Variants in GSG1L observed in about 807,000 individuals in gnomAD.
GSG1L encodes the protein GSG1 like, also known as germ cell-specific gene 1-like protein.
Under a neutral mutation model 42.1 loss-of-function variants are expected in GSG1L, and 24 were observed. That is an observed-to-expected ratio of 0.57 (90% CI 0.41 to 0.80). The LOEUF is 0.80. Among genes scored for constraint, GSG1L ranks in the 30% least tolerant of loss-of-function variants. The pLI, the probability that GSG1L is intolerant of heterozygous loss-of-function variation, is 0.00. For missense variants in GSG1L, 445 were observed against 472.2 expected (o/e 0.94, Z 0.53); for synonymous variants, 215 against 203.5 (o/e 1.06, Z -0.48).
At chr16:27,882,260 G>C (rs1026693677) in intron 3 of GSG1L, among the ~76,000 whole-genome samples, 1 of 152,126 alleles carries the variant, frequency 6.6e-6, no homozygotes, top group Non-Finnish European at 1.5e-5. Context: ...CACCATGATT[G>C]TGAGGCCTCC....
At chr16:27,926,829 C>A (rs1010276635) in intron 2 of GSG1L, among the ~76,000 whole-genome samples, 1 of 152,162 alleles carries the variant, frequency 6.6e-6, no homozygotes, top group African/African-American at 2.4e-5. Flanking sequence ...GGGCTGATGA[C>A]AATTAAGTGT....
At chr16:27,993,776 G>A (rs1186949036) in intron 1 of GSG1L, among the ~76,000 whole-genome samples, 2 of 152,206 alleles carry the variant, frequency 1.3e-5, no homozygotes, top group African/African-American at 4.8e-5. Flanking sequence ...CAGCCGCACA[G>A]ATAAGAAAGG....
chr16:27,967,917 A>AAATAT (rs930173940), intron 1 of GSG1L, among the ~76,000 whole-genome samples: 46 of 152,246 alleles, frequency 3.0e-4, no homozygotes, highest in East Asian at 1.9e-3. Context: ...CATCTCAAAA[A>AAATAT]AATATAATAT....
At chr16:28,002,264 G>A (rs1225447008) in intron 1 of GSG1L, among the ~76,000 whole-genome samples, 1 of 152,190 alleles carries the variant, frequency 6.6e-6, no homozygotes, top group African/African-American at 2.4e-5. Flanking sequence ...GCTGACCAGG[G>A]CCTTTTCTAC....
At chr16:28,047,439 A>C (rs577420893) in intron 1 of GSG1L, among the ~76,000 whole-genome samples, 184 of 152,300 alleles carry the variant, frequency 1.2e-3, no homozygotes, top group Middle Eastern at 3.4e-3. Context: ...AACAAAAAGA[A>C]AGAAGTGAAA....
chr16:27,955,205 A>G (rs1193382964), intron 2 of GSG1L, among the ~76,000 whole-genome samples: 1 of 152,200 alleles, frequency 6.6e-6, no homozygotes, highest in Admixed American at 6.5e-5. Context: ...AAAAAAATTA[A>G]TATCATTGGA....
intron 3 of GSG1L, among the ~76,000 whole-genome samples, chr16:27,865,649 A>G (rs1254300986): frequency 1.4e-5 from 2 of 143,558 alleles, no homozygotes; most frequent in Non-Finnish European, 3.0e-5. Flanking sequence ...ATGTGTGTGT[A>G]TGTATATATA....
intron 2 of GSG1L, among the ~76,000 whole-genome samples, chr16:27,902,609 C>T (rs982134324): frequency 6.6e-6 from 1 of 152,088 alleles, no homozygotes; most frequent in African/African-American, 2.4e-5. Flanking sequence ...TCTGTATTCA[C>T]TGACTCACTC....
intron 2 of GSG1L, among the ~76,000 whole-genome samples, chr16:27,922,365 A>G (rs2084534507): frequency 6.6e-6 from 1 of 152,208 alleles, no homozygotes; most frequent in Non-Finnish European, 1.5e-5. Context: ...AGCATGGATG[A>G]CCATATAATT....
chr16:27,886,002 C>CA (rs1469722948), intron 2 of GSG1L, among the ~76,000 whole-genome samples: 1 of 152,164 alleles, frequency 6.6e-6, no homozygotes, highest in Non-Finnish European at 1.5e-5. Context: ...TCTCTGTCTA[C>CA]ATGGATGCTT....
intron 2 of GSG1L, among the ~76,000 whole-genome samples, chr16:27,948,238 G>C (rs192495566): frequency 6.6e-6 from 1 of 152,320 alleles, no homozygotes; most frequent in Admixed American, 6.5e-5. Context: ...GAAAGATGAT[G>C]TAAACTACCT....
rs2086312969 is a variant in GSG1L, at chr16:28,059,164, C to T, written c.349+3912G>A. Among the ~76,000 whole-genome samples the T allele has an allele frequency of 1.3e-5, 2 of 152,218 alleles. No individual in the cohort carries two copies. Among genetic ancestry groups the T allele is most frequent in the Non-Finnish European group, 2.9e-5 (2 of 68,028 alleles). ...CTAGCTGCTCTGATCCCCACCTACA[C>T]AGTAGCCCTGGGAGTTTCCTGCCTG... is the stretch of plus-strand genomic sequence containing the variant. On this transcript the variant is annotated intron_variant, in intron 1 of 6. Transcript: ENST00000447459. The surrounding 1 kb of genome is among the most constrained non-coding windows in gnomAD (Gnocchi z 4.4).
At chr16:27,968,487 G>A (rs370642141) in intron 1 of GSG1L, among the ~76,000 whole-genome samples, 7 of 152,080 alleles carry the variant, frequency 4.6e-5, no homozygotes, top group South Asian at 4.2e-4. Flanking sequence ...CTGAGCTCAC[G>A]CAATTCTCCT....
intron 1 of GSG1L, among the ~76,000 whole-genome samples, chr16:28,044,128 C>G (rs1438026955): frequency 6.6e-6 from 1 of 152,038 alleles, no homozygotes; most frequent in Non-Finnish European, 1.5e-5. Context: ...AAAAACCCAA[C>G]ATTTTTGGGA....
intron 1 of GSG1L, among the ~76,000 whole-genome samples, chr16:27,994,516 T>A (rs978890040): frequency 3.3e-5 from 5 of 152,194 alleles, no homozygotes; most frequent in Non-Finnish European, 5.9e-5. Flanking sequence ...AATATCCAGC[T>A]AGAGTTTGAT....
rs1464031823 is a variant in GSG1L at position 27,791,378 on chromosome 16, A to G, written c.988T>C (p.Trp330Arg). 1 of 1,436,556 alleles carries G rather than the reference A, an allele frequency of 7.0e-7. No homozygotes were observed. Among genetic ancestry groups the G allele is most frequent in the Non-Finnish European group, 9.2e-7 (1 of 1,085,974 alleles). The allele number at this position is 1,436,556 out of a possible 1,614,324, so 89.0% of individuals were successfully genotyped here. ...CCAGGTTGAGGTCTTGGTCACACCCAGTGCCCCAAGACCCAGCACTGTCGG... is the reference window on the plus strand; with the variant it reads ...CCAGGTTGAGGTCTTGGTCACACCCGGTGCCCCAAGACCCAGCACTGTCGG... ...LNRQCWVLGH[W>R]V Residue 330 changes from tryptophan to arginine, a missense_variant, in exon 7 of 7, where the codon TGG becomes CGG. This residue lies in a region of GSG1L where 140 missense variants were observed against 120.6 expected (regional missense o/e 1.16). Coordinates refer to ENST00000447459, the MANE Select transcript of GSG1L (RefSeq NM_001109763.2).
chr16:27,932,191 TACAGGCA>T (rs2084664669), intron 2 of GSG1L, among the ~76,000 whole-genome samples: 1 of 152,178 alleles, frequency 6.6e-6, no homozygotes, highest in Non-Finnish European at 1.5e-5. Context: ...TAGCTGGGAT[TACAGGCA>T]TGCACCACCA....
intron 1 of GSG1L, among the ~76,000 whole-genome samples, chr16:27,967,348 A>C (rs1271024525): frequency 1.3e-5 from 2 of 152,210 alleles, no homozygotes; most frequent in African/African-American, 4.8e-5. Context: ...ATGTCAAGCC[A>C]AGGAGGTGCT....
chr16:27,926,382 G>A (rs914588965), intron 2 of GSG1L, among the ~76,000 whole-genome samples: 1 of 152,166 alleles, frequency 6.6e-6, no homozygotes, highest in Non-Finnish European at 1.5e-5. Flanking sequence ...ACTGAAAGAT[G>A]GTTGATTGCA....
Sources: allele counts gnomAD v4.1 joint callset (sites outside exome capture counted in the v4.1 genomes callset), GRCh38; gene constraint gnomAD v4.1.1; regional missense constraint gnomAD v4.1.1; non-coding constraint Gnocchi (gnomAD v3.1); transcripts MANE v1.5; gene names NCBI Gene and HGNC (gene_info 2026-07-23, HGNC 2026-07-21).